Variants in MCOLN3 observed in about 807,000 individuals in gnomAD.
MCOLN3 encodes mucolipin-3.
A neutral mutation model predicts 69.4 loss-of-function variants in MCOLN3; 62 were observed. The ratio of observed to expected loss-of-function variants is 0.89; its 90% confidence interval spans 0.73 to 1.10. MCOLN3 has a LOEUF of 1.10. MCOLN3 is among the 50% of genes least tolerant of loss of function. The pLI is 0.00. For missense variants in MCOLN3, 564 were observed against 656.4 expected (o/e 0.86, Z 1.54); for synonymous variants, 183 against 217.0 (o/e 0.84, Z 1.38).
chr1:85,033,450 C>T (rs994425089), intron 4 of MCOLN3, among the ~76,000 whole-genome samples: 1 of 151,974 alleles, frequency 6.6e-6, no homozygotes, highest in African/African-American at 2.4e-5. Context: ...GTACTGTTAT[C>T]AGTATTATCT....
At chr1:85,027,361 A>G (rs1367347680) in intron 7 of MCOLN3, among the ~76,000 whole-genome samples, 1 of 152,200 alleles carries the variant, frequency 6.6e-6, no homozygotes, top group African/African-American at 2.4e-5. Context: ...CTTCACAGCA[A>G]CTCCAATGAG....
At position 85,045,306 on chromosome 1, in the gene MCOLN3, G is replaced by C. The variant is rs369130424; in HGVS notation, c.55C>G (p.Arg19Gly). The change falls in exon 2 of 13, where the codon CGC (arginine) becomes GGC (glycine). Residue 19 changes from arginine to glycine, a missense_variant. Arg to Gly is a moderately radical substitution (Grantham distance 125, BLOSUM62 -2). Transcript: ENST00000370589. ...SSCSSHEEENRCNFNQQTSPS... is the reference protein window; with the variant it reads ...SSCSSHEEENGCNFNQQTSPS... ...GATGTTTGCTGGTTAAAATTGCAGC[G>C]ATTTTCCTCTTCATGAGAGCTGCAG... 5 of 1,613,836 alleles carry C rather than the reference G, an allele frequency of 3.1e-6. No homozygotes were observed. In the South Asian group the frequency reaches 5.5e-5, roughly 18 times the overall value.
At chr1:85,044,277 T>C (rs1275919621) in intron 2 of MCOLN3, among the ~76,000 whole-genome samples, 1 of 152,232 alleles carries the variant, frequency 6.6e-6, no homozygotes, top group Admixed American at 6.5e-5. Context: ...TAAGTGTTTG[T>C]TCTCAATAAG....
chr1:85,046,238 C>A (rs1240298473), intron 1 of MCOLN3, among the ~76,000 whole-genome samples: 1 of 151,532 alleles, frequency 6.6e-6, no homozygotes, highest in Admixed American at 6.6e-5. Flanking sequence ...TCTGTGGCAT[C>A]GCTTGTAATG....
chr1:85,022,610 T>C (rs935388428), intron 9 of MCOLN3: 6 of 412,614 alleles, frequency 1.5e-5, no homozygotes, highest in Non-Finnish European at 2.6e-5. Flanking sequence ...GGACACTTGC[T>C]GCTGATAATT....
chr1:85,025,885 T>C, intron 9 of MCOLN3, 54 bp downstream of exon 9: 2 of 1,485,424 alleles, frequency 1.3e-6, no homozygotes, highest in Non-Finnish European at 1.8e-6. Context: ...GAAAAATACA[T>C]TACCATTAGT....
At chr1:85,035,877 A>C (rs991819862) in intron 3 of MCOLN3, among the ~76,000 whole-genome samples, 28 of 151,810 alleles carry the variant, frequency 1.8e-4, no homozygotes, top group Admixed American at 6.6e-5. Flanking sequence ...CCTGCTCAAG[A>C]CTCTTGTTTT....
At chr1:85,037,050 C>T (rs912359966) in intron 3 of MCOLN3, among the ~76,000 whole-genome samples, 1 of 152,062 alleles carries the variant, frequency 6.6e-6, no homozygotes, top group Non-Finnish European at 1.5e-5. Flanking sequence ...TGCGATGGAG[C>T]TCTTCATTAC....
At position 85,021,145 on chromosome 1, in the gene MCOLN3, T is replaced by G; in HGVS notation, c.1452A>C (p.Ser484=). ...TCATATATATAAAGAGGCTGATGAATGAGTAGAGGTAAATTCTACTAAACA... is the reference window on the plus strand; with the variant it reads ...TCATATATATAAAGAGGCTGATGAAGGAGTAGAGGTAAATTCTACTAAACA... ...VWLFSRIYLY[S]FISLFIYMIL... The change falls in exon 12 of 13, where the codon TCA becomes TCC. Residue 484 remains serine, a synonymous_variant. Transcript: ENST00000370589. 1 of 1,613,034 alleles carries G rather than the reference T, an allele frequency of 6.2e-7. No homozygotes were observed. The highest frequency in any genetic ancestry group is 8.5e-7 in the Non-Finnish European group (1 of 1,179,338).
chr1:85,030,770 A>G (rs754673757), intron 6 of MCOLN3, among the ~76,000 whole-genome samples: 62 of 152,340 alleles, frequency 4.1e-4, no homozygotes, highest in African/African-American at 1.4e-3. Context: ...AACAAAGATA[A>G]AGATGACAGC....
intron 3 of MCOLN3, among the ~76,000 whole-genome samples, chr1:85,038,361 A>G (rs1190253527): frequency 6.6e-6 from 1 of 152,234 alleles, no homozygotes; most frequent in Non-Finnish European, 1.5e-5. Context: ...AGGAGCCAAT[A>G]AAGCTGACCC....
intron 3 of MCOLN3, among the ~76,000 whole-genome samples, chr1:85,035,192 C>T (rs530310543): frequency 2.6e-5 from 4 of 152,286 alleles, no homozygotes; most frequent in African/African-American, 9.6e-5. Flanking sequence ...ACTTCTGGGA[C>T]ACTGATTGTT....
In MCOLN3 at chr1:85,032,901, AT is replaced by A; in HGVS notation, c.605del (p.Asn202IlefsTer3). The A allele has an allele frequency of 6.2e-7, 1 of 1,614,110 alleles. No homozygotes were observed. The highest frequency in any genetic ancestry group is 1.1e-5 in the South Asian group (1 of 91,084). On this transcript the variant is annotated frameshift_variant, in exon 5 of 13. Coordinates refer to ENST00000370589, the MANE Select transcript of MCOLN3 (RefSeq NM_018298.11). LOFTEE classifies it high-confidence loss of function. Reference sequence around the variant, plus strand: ...GGAAGTCCAGTGTTAAGTTCAGTTTATTTTCTGCTGGTGTCCCAATGTGAAA... The same window carrying A: ...GGAAGTCCAGTGTTAAGTTCAGTTTATTTCTGCTGGTGTCCCAATGTGAAA... The part of the protein sequence containing the change: ...EPFHIGTPAE[N>X]KLNLTLDFHR...
chr1:85,027,002 C>T (rs1315482236), intron 7 of MCOLN3, among the ~76,000 whole-genome samples: 1 of 152,080 alleles, frequency 6.6e-6, no homozygotes, highest in African/African-American at 2.4e-5. Flanking sequence ...GATCCTCTCA[C>T]CTCAGCCTCC....
At position 85,021,234 on chromosome 1, in the gene MCOLN3, T is replaced by C; in HGVS notation, c.1363A>G (p.Ile455Val). Reference sequence around the variant, plus strand: ...GTGGCAAACATATCATCTCCATTTATCAGAGAGAAAAGGCACTCAGAGACC... The same window carrying C: ...GTGGCAAACATATCATCTCCATTTACCAGAGAGAAAAGGCACTCAGAGACC... ...NMVSECLFSLINGDDMFATFA... is the reference protein window; with the variant it reads ...NMVSECLFSLVNGDDMFATFA... Residue 455 changes from isoleucine (I) to valine (V), a missense_variant, in exon 12 of 13, where the codon ATA becomes GTA. Transcript: ENST00000370589. 1 of 1,613,810 alleles carries C rather than the reference T, an allele frequency of 6.2e-7. No individual in the cohort carries two copies. Among genetic ancestry groups the C allele is most frequent in the Non-Finnish European group, 8.5e-7 (1 of 1,179,854 alleles).
chr1:85,023,486 T>A lies in MCOLN3; in HGVS notation c.1096-1086A>T, dbSNP rs151222486. 12 of 152,308 alleles carry A rather than the reference T, an allele frequency of 7.9e-5. No individual in the cohort carries two copies. The East Asian group carries it at 2.3e-3, about 29-fold the overall frequency. The allele number at this position is 152,308 out of a possible 1,614,324, so 9.4% of individuals were successfully genotyped here. A position where few individuals can be genotyped will look rare whatever the true frequency, so the allele number is the denominator to read the frequency against. ...CAAGATTTTTGGCTTGAGTAACTGA[T>A]GAGAGTTACCATTAACCGAAATTTG... is the stretch of plus-strand genomic sequence containing the variant. On this transcript the variant is annotated intron_variant, in intron 9 of 12. Coordinates refer to ENST00000370589, the MANE Select transcript of MCOLN3 (RefSeq NM_018298.11).
At chr1:85,044,345 A>G (rs886526118) in intron 2 of MCOLN3, among the ~76,000 whole-genome samples, 1 of 152,164 alleles carries the variant, frequency 6.6e-6, no homozygotes, top group Admixed American at 6.6e-5. Flanking sequence ...CCAATTGTTT[A>G]TTTACTTAGG....
Position 85,031,499 on chromosome 1 carries a change from T to C in MCOLN3, c.732+1197A>G, listed in dbSNP as rs536918872. 6.6e-5 allele frequency among the ~76,000 whole-genome samples: 10 copies of C among 152,282 alleles called. No homozygotes were observed. The South Asian group carries it at 2.1e-3, about 32-fold the overall frequency. ...AATGCTGGCATCAAAATATCACCTG[T>C]ACCCCATAAATACGTATTCGTAAAA... On this transcript the variant is annotated intron_variant, in intron 6 of 12. Coordinates refer to ENST00000370589, the MANE Select transcript of MCOLN3 (RefSeq NM_018298.11).
At chr1:85,040,126 G>A (rs147465245) in intron 3 of MCOLN3, among the ~76,000 whole-genome samples, 4 of 152,218 alleles carry the variant, frequency 2.6e-5, no homozygotes, top group African/African-American at 9.6e-5. Context: ...CCTACAAGCT[G>A]TAGGACATAG....
Sources: allele counts gnomAD v4.1 joint callset (sites outside exome capture counted in the v4.1 genomes callset), GRCh38; gene constraint gnomAD v4.1.1; transcripts MANE v1.5; gene names NCBI Gene and HGNC (gene_info 2026-07-23, HGNC 2026-07-21).